DNAJC3: variants seen among roughly 807,000 people sequenced by gnomAD.
The protein encoded by DNAJC3 is dnaJ homolog subfamily C member 3.
A neutral mutation model predicts 68.6 loss-of-function variants in DNAJC3; 38 were observed. The observed-to-expected ratio is 0.55, with a 90% CI of 0.43 to 0.73. The LOEUF is 0.73. DNAJC3 is among the 30% of genes least tolerant of loss of function. DNAJC3 has a pLI of 0.00. For synonymous variants in DNAJC3, 203 were observed against 204.0 expected (o/e 1.00, Z 0.04); for missense variants, 526 against 591.9 (o/e 0.89, Z 1.16).
intron 6 of DNAJC3, 21 bp from the exon 7 acceptor site, chr13:95,760,658 C>G (rs1222443797): frequency 1.9e-6 from 3 of 1,582,474 alleles, no homozygotes; most frequent in Admixed American, 1.9e-5. Context: ...GAGTATTTTC[C>G]TTTTTTAAAT....
chr13:95,743,037 T>A, intron 4 of DNAJC3: 3 of 365,112 alleles, frequency 8.2e-6, no homozygotes, highest in South Asian at 6.3e-5. Flanking sequence ...GAAAAGACTT[T>A]GTTTCTTTCA....
At chr13:95,737,101 C>G (rs2139653994) in intron 4 of DNAJC3, among the ~76,000 whole-genome samples, 1 of 150,014 alleles carries the variant, frequency 6.7e-6, no homozygotes, top group East Asian at 2.0e-4. Flanking sequence ...GTCTTTGGCT[C>G]TGTTTATATG....
chr13:95,766,561 G>A (rs1882999294), intron 9 of DNAJC3, among the ~76,000 whole-genome samples: 1 of 152,130 alleles, frequency 6.6e-6, no homozygotes, highest in Non-Finnish European at 1.5e-5. Flanking sequence ...ATTAACTGAT[G>A]CAGTCCTGGT....
chr13:95,716,228 C>T (rs1881140205), intron 2 of DNAJC3, among the ~76,000 whole-genome samples: 1 of 152,178 alleles, frequency 6.6e-6, no homozygotes, highest in South Asian at 2.1e-4. Flanking sequence ...GGAGGGTTTT[C>T]ATATCTCCCT....
In DNAJC3 at chr13:95,677,153, C is replaced by A; in HGVS notation, c.-103C>A. On this transcript the variant is annotated 5_prime_UTR_variant, in exon 1 of 12. The change creates a new upstream start codon in the 5' untranslated region. Coordinates refer to ENST00000602402, the MANE Select transcript of DNAJC3 (RefSeq NM_006260.5). Reference sequence around the variant, plus strand: ...TGCTGGGCTCCAGAGCCACTGAGGCCTGAGCGAGAGCCGACGGCGGGCGGG... The same window carrying A: ...TGCTGGGCTCCAGAGCCACTGAGGCATGAGCGAGAGCCGACGGCGGGCGGG... The A allele has an allele frequency of 9.2e-7, 1 of 1,085,972 alleles. No individual in the cohort carries two copies. Among genetic ancestry groups the A allele is most frequent in the Non-Finnish European group, 1.3e-6 (1 of 762,480 alleles). 67.3% of individuals were successfully genotyped at this position (1,085,972 alleles called of 1,614,324 possible). A position where few individuals can be genotyped will look rare whatever the true frequency, so the allele number is the denominator to read the frequency against.
intron 2 of DNAJC3, among the ~76,000 whole-genome samples, chr13:95,714,029 A>G (rs913594130): frequency 6.6e-6 from 1 of 152,226 alleles, no homozygotes; most frequent in East Asian, 1.9e-4. Context: ...TATACGGAGA[A>G]CTTCTATCGT....
intron 1 of DNAJC3, among the ~76,000 whole-genome samples, chr13:95,707,261 TGGCCCAGTTCCTAACA>T (rs1482184235): frequency 6.6e-6 from 1 of 152,182 alleles, no homozygotes; most frequent in African/African-American, 2.4e-5. Flanking sequence ...TCCTGCTGTG[TGGCCCAGTTCCTAACA>T]GGCCATGGAC....
rs922754510 is a variant in DNAJC3, at chr13:95,698,580, G to A, written c.83-10647G>A. ...CTGTCACACCCTTGTTCTGGGGCTC[G>A]TGACTCTCAGTGCAGATGCACAGTG... On this transcript the variant is annotated intron_variant, in intron 1 of 11. Transcript: ENST00000602402. Among the ~76,000 whole-genome samples the A allele has an allele frequency of 3.9e-5, 6 of 152,194 alleles. No homozygotes were observed. In the East Asian group the frequency reaches 7.7e-4, roughly 20 times the overall value.
In DNAJC3 at chr13:95,791,397, G is replaced by C; in HGVS notation, c.*367G>C. 4.1e-6 allele frequency: 1 copy of C among 242,104 alleles called. No homozygotes were observed. The highest frequency in any genetic ancestry group is 8.0e-6 in the Non-Finnish European group (1 of 124,296). 15.0% of individuals were successfully genotyped at this position (242,104 alleles called of 1,614,324 possible). A position where few individuals can be genotyped will look rare whatever the true frequency, so the allele number is the denominator to read the frequency against. On this transcript the variant is annotated 3_prime_UTR_variant, in exon 12 of 12. Coordinates refer to ENST00000602402, the MANE Select transcript of DNAJC3 (RefSeq NM_006260.5). Reference sequence around the variant, plus strand: ...GCAGAGTAAGTCAGTGCCTACAAGTGTAAGAAGGAGCTGTAATCTTCATGA... The same window carrying C: ...GCAGAGTAAGTCAGTGCCTACAAGTCTAAGAAGGAGCTGTAATCTTCATGA...
intron 4 of DNAJC3, among the ~76,000 whole-genome samples, chr13:95,740,896 G>A (rs1201743195): frequency 6.6e-6 from 1 of 152,074 alleles, no homozygotes; most frequent in African/African-American, 2.4e-5. Flanking sequence ...TCCAGTATTT[G>A]TCTGATTCTT....
chr13:95,697,786 G>GTTTTTT lies in DNAJC3; in HGVS notation c.83-11425_83-11420dup, dbSNP rs35414850. The stretch of plus-strand genomic sequence containing the variant: ...AATTTAAAAGACCAGCCTTCAAGAA[G>GTTTTTT]TTTTTTTTTTTTTTTTTTTTTAAAG... On this transcript the variant is annotated intron_variant, in intron 1 of 11. Coordinates refer to ENST00000602402, the MANE Select transcript of DNAJC3 (RefSeq NM_006260.5). Among the ~76,000 whole-genome samples, 172 of 112,264 alleles carry GTTTTTT rather than the reference G, an allele frequency of 1.5e-3. 1 individual carries two copies. Among genetic ancestry groups the GTTTTTT allele is most frequent in the African/African-American group, 5.6e-3 (161 of 28,756 alleles). 73.6% of individuals were successfully genotyped at this position (112,264 alleles called of 152,430 possible).
chr13:95,724,504 T>TTG (rs1289322020), intron 3 of DNAJC3, among the ~76,000 whole-genome samples: 5 of 152,208 alleles, frequency 3.3e-5, no homozygotes, highest in African/African-American at 1.2e-4. Flanking sequence ...GGGCAAAAAG[T>TTG]ATTTTTAAAA....
intron 2 of DNAJC3, among the ~76,000 whole-genome samples, chr13:95,711,520 A>G (rs1201302786): frequency 1.3e-5 from 2 of 152,088 alleles, no homozygotes; most frequent in East Asian, 1.9e-4. Context: ...ACAGAAAACA[A>G]AAACTCTACT....
intron 1 of DNAJC3, chr13:95,694,183 A>G (rs938101221): frequency 6.6e-6 from 1 of 152,466 alleles, no homozygotes; most frequent in South Asian, 2.1e-4. Flanking sequence ...ATATTCAACC[A>G]TTCATCAAAT....
Position 95,679,765 on chromosome 13 carries a change from ATG to A in DNAJC3, c.82+2434_82+2435del, listed in dbSNP as rs1380254407. ...TCTGCTTCACTATTGTAACCATTTT[ATG>A]TGTGTATATCTCATAATACTATGTT... is the stretch of plus-strand genomic sequence containing the variant. On this transcript the variant is annotated intron_variant, in intron 1 of 11. Coordinates refer to ENST00000602402, the MANE Select transcript of DNAJC3 (RefSeq NM_006260.5). Among the ~76,000 whole-genome samples the A allele has an allele frequency of 3.3e-5, 5 of 152,346 alleles. No individual in the cohort carries two copies. The East Asian group carries it at 9.6e-4, about 29-fold the overall frequency.
chr13:95,763,486 A>G (rs1488929790), intron 7 of DNAJC3, among the ~76,000 whole-genome samples, 157 bp from the exon 8 acceptor site: 2 of 152,162 alleles, frequency 1.3e-5, no homozygotes, highest in Non-Finnish European at 1.5e-5. Context: ...TGTACCTTCT[A>G]TGGGACTCTA....
intron 1 of DNAJC3, among the ~76,000 whole-genome samples, chr13:95,697,978 G>A (rs1880493331): frequency 6.6e-6 from 1 of 151,930 alleles, no homozygotes; most frequent in African/African-American, 2.4e-5. Flanking sequence ...GAAAGCCAGT[G>A]CAGTCTTTTT....
chr13:95,768,661 C>G (rs575083669), intron 9 of DNAJC3, among the ~76,000 whole-genome samples: 1 of 152,032 alleles, frequency 6.6e-6, no homozygotes, highest in Non-Finnish European at 1.5e-5. Flanking sequence ...CACCCTATCC[C>G]GCAGAAGTAT....
chr13:95,713,369 CAG>C (rs138997491), intron 2 of DNAJC3, among the ~76,000 whole-genome samples: 2,587 of 152,206 alleles, frequency 0.017, 74 homozygotes, highest in African/African-American at 0.059. Context: ...TTTGTAGCAA[CAG>C]AGTCTCTCTA....
Sources: allele counts gnomAD v4.1 joint callset (sites outside exome capture counted in the v4.1 genomes callset), GRCh38; gene constraint gnomAD v4.1.1; transcripts MANE v1.5; gene names NCBI Gene and HGNC (gene_info 2026-07-23, HGNC 2026-07-21).